IRAG2: variants seen among roughly 807,000 people sequenced by gnomAD.
IRAG2 encodes the protein inositol 1,4,5-triphosphate receptor associated 2.
A neutral mutation model predicts 69.9 loss-of-function variants in IRAG2; 45 were observed. The observed-to-expected ratio is 0.64, with a 90% CI of 0.51 to 0.83. The LOEUF (loss-of-function observed/expected upper bound fraction) is 0.83. Ranked by LOEUF, IRAG2 falls within the 40% of genes least tolerant of loss-of-function variation. The pLI is 0.00. For synonymous variants in IRAG2, 193 were observed against 202.4 expected, an observed-to-expected ratio of 0.95 and a Z score of 0.40; for missense variants, 520 against 587.0, an observed-to-expected ratio of 0.89 and a Z score of 1.18.
chr12:25,007,232 C>A (rs1944440051), intron 2 of IRAG2, among the ~76,000 whole-genome samples: 1 of 152,136 alleles, frequency 6.6e-6, no homozygotes, highest in African/African-American at 2.4e-5. Flanking sequence ...GTATTTCATC[C>A]ACAAATATTT....
At chr12:25,032,089 G>A in intron 10 of IRAG2, 1 of 398,320 alleles carries the variant, frequency 2.5e-6, no homozygotes. Context: ...TAATATATAT[G>A]ATTTGGTGGA....
At chr12:25,005,630 A>G (rs922978756) in intron 2 of IRAG2, among the ~76,000 whole-genome samples, 1 of 152,226 alleles carries the variant, frequency 6.6e-6, no homozygotes, top group Non-Finnish European at 1.5e-5. Flanking sequence ...TTATTTATTG[A>G]AACTACTTAC....
In IRAG2 at chr12:25,102,178, C is replaced by T. The variant is rs748430033; in HGVS notation, c.890-20C>T. 1 of 1,608,198 alleles carries T rather than the reference C, an allele frequency of 6.2e-7. No individual in the cohort carries two copies. The highest frequency in any genetic ancestry group is 1.3e-5 in the African/African-American group (1 of 74,932). Reference sequence around the variant, plus strand: ...GGCATGTGTAATAGCTAAAATGTGTCAATGTGTTTTTCCTTTCAGATGACT... The same window carrying T: ...GGCATGTGTAATAGCTAAAATGTGTTAATGTGTTTTTCCTTTCAGATGACT... On this transcript the variant is annotated intron_variant, in intron 16 of 21. Transcript: ENST00000556887.
intron 10 of IRAG2, chr12:25,030,945 T>G (rs1944663307): frequency 1.2e-6 from 1 of 821,512 alleles, no homozygotes; most frequent in Non-Finnish European, 1.5e-6. Flanking sequence ...TTTGATTGAT[T>G]GATTAGATAG....
rs142957473 is a variant in IRAG2 at position 25,079,547 on chromosome 12, G to A, written c.136+85G>A. On this transcript the variant is annotated intron_variant, in intron 8 of 21. Coordinates refer to ENST00000556887, the MANE Select transcript of IRAG2 (RefSeq NM_001366544.2). ...TGTTCTGTGACCTGCTGGGGTGTGA[G>A]CAAATGAGAAGAACATAGGCAAATA... 3.7e-3 allele frequency: 4,992 copies of A among 1,354,344 alleles called. 18 individuals are homozygous for A. The highest frequency in any genetic ancestry group is 4.3e-3 in the Non-Finnish European group (4,055 of 944,550). 83.9% of individuals were successfully genotyped at this position (1,354,344 alleles called of 1,614,324 possible).
chr12:25,027,131 G>A (rs1389779912), intron 9 of IRAG2, among the ~76,000 whole-genome samples: 2 of 151,486 alleles, frequency 1.3e-5, no homozygotes, highest in East Asian at 3.9e-4. Flanking sequence ...TACGTTCACA[G>A]AGTTGTACAA....
At chr12:25,094,430 G>C (rs1267707077) in intron 14 of IRAG2, among the ~76,000 whole-genome samples, 1 of 151,912 alleles carries the variant, frequency 6.6e-6, no homozygotes, top group Admixed American at 6.6e-5. Context: ...TATTCCATTG[G>C]TCTATATGTC....
At chr12:25,097,225 T>TA (rs144166167) in intron 15 of IRAG2, among the ~76,000 whole-genome samples, 181 bp downstream of exon 15, 31 of 117,338 alleles carry the variant, frequency 2.6e-4, no homozygotes, top group African/African-American at 1.2e-3. Context: ...TAAAAAATGT[T>TA]AAAAAAATAT....
At chr12:25,079,206 A>C in intron 6 of IRAG2, 38 bp from the exon 7 acceptor site, 1 of 1,610,116 alleles carries the variant, frequency 6.2e-7, no homozygotes, top group East Asian at 2.2e-5. Context: ...GGAAAATGTC[A>C]AATTGTTGAA....
chr12:25,067,326 T>C (rs896645597), intron 5 of IRAG2, among the ~76,000 whole-genome samples: 1 of 152,212 alleles, frequency 6.6e-6, no homozygotes, highest in Non-Finnish European at 1.5e-5. Flanking sequence ...GGGGGTTTTT[T>C]TCCCCACACT....
At chr12:25,012,144 C>CTTTT (rs1044436895) in intron 3 of IRAG2, among the ~76,000 whole-genome samples, 1 of 30,368 alleles carries the variant, frequency 3.3e-5, no homozygotes, top group Non-Finnish European at 5.6e-5. Context: ...AGCGAATTCC[C>CTTTT]TTTTTTTTTT....
In IRAG2 at chr12:25,070,494, T is replaced by C. The variant is rs1946270722; in HGVS notation, c.24+1063T>C. On this transcript the variant is annotated intron_variant, in intron 6 of 21. Coordinates refer to ENST00000556887, the MANE Select transcript of IRAG2 (RefSeq NM_001366544.2). ...TTCATTCATTTTTATGGCTCAATAATATTCCACTGTATAGATACACACCAC... is the reference window on the plus strand; with the variant it reads ...TTCATTCATTTTTATGGCTCAATAACATTCCACTGTATAGATACACACCAC... Among the ~76,000 whole-genome samples, 3 of 152,370 alleles carry C rather than the reference T, an allele frequency of 2.0e-5. No homozygotes were observed. The South Asian group carries it at 6.2e-4, about 32-fold the overall frequency.
chr12:25,080,878 C>T (rs2140113530), intron 9 of IRAG2, among the ~76,000 whole-genome samples: 1 of 152,286 alleles, frequency 6.6e-6, no homozygotes, highest in East Asian at 1.9e-4. Flanking sequence ...TGATTACACT[C>T]TGTTGGTAAA....
chr12:25,034,048 A>G, intron 13 of IRAG2: 1 of 396,434 alleles, frequency 2.5e-6, no homozygotes, highest in Non-Finnish European at 4.4e-6. Flanking sequence ...ACTACCAGTG[A>G]CACTGAGAGA....
At chr12:25,005,138 G>A (rs1313537321) in intron 1 of IRAG2, 1 of 540,834 alleles carries the variant, frequency 1.8e-6, no homozygotes, top group Non-Finnish European at 2.8e-6. Flanking sequence ...GGGGAAGGCT[G>A]TTTATTATGA....
chr12:25,058,362 G>T (rs144751459), intron 1 of IRAG2, among the ~76,000 whole-genome samples: 4 of 152,102 alleles, frequency 2.6e-5, no homozygotes, highest in Non-Finnish European at 5.9e-5. Context: ...TTCTTGTGCT[G>T]ATTGGCCATT....
exon 15 of IRAG2, chr12:25,036,644 T>G (rs558691514): frequency 1.3e-5 from 5 of 398,820 alleles, no homozygotes; most frequent in Non-Finnish European, 2.2e-5. Flanking sequence ...GGGTAACTAA[T>G]CCAGAAATTA....
chr12:25,045,908 A>G (rs139930732), intron 16 of IRAG2, among the ~76,000 whole-genome samples: 1 of 151,714 alleles, frequency 6.6e-6, no homozygotes, highest in African/African-American at 2.4e-5. Context: ...TCATTTCATG[A>G]GGCCAGCATT....
At chr12:25,011,876 T>C (rs1197086591) in intron 3 of IRAG2, among the ~76,000 whole-genome samples, 4 of 152,182 alleles carry the variant, frequency 2.6e-5, no homozygotes, top group East Asian at 1.9e-4. Context: ...TCACAGAGAA[T>C]TGAGCTGACA....
Sources: gnomAD v4.1 joint callset for allele counts (sites outside exome capture counted in the v4.1 genomes callset) on GRCh38, gnomAD v4.1.1 for gene constraint, MANE v1.5 for transcripts, NCBI Gene and HGNC (gene_info 2026-07-23, HGNC 2026-07-21) for gene names.